REV3L: variants seen among roughly 807,000 people sequenced by gnomAD.
REV3L encodes REV3 like, DNA directed polymerase zeta catalytic subunit.
Under a neutral mutation model 299.4 loss-of-function variants are expected in REV3L, and 69 were observed. The observed-to-expected ratio is 0.23, with a 90% CI of 0.19 to 0.28. REV3L has a LOEUF of 0.28. Ranked by LOEUF, REV3L falls within the 10% of genes least tolerant of loss-of-function variation. The pLI is 1.00. For missense variants in REV3L, 3,128 were observed against 3,693.8 expected (o/e 0.85, Z 3.97); for synonymous variants, 1,238 against 1,271.4 (o/e 0.97, Z 0.56).
chr6:111,444,555 T>C (rs980361925), intron 1 of REV3L, among the ~76,000 whole-genome samples: 3 of 151,972 alleles, frequency 2.0e-5, no homozygotes, highest in African/African-American at 4.8e-5. Flanking sequence ...AGAAAAATGG[T>C]GAAAGAATAT....
intron 1 of REV3L, among the ~76,000 whole-genome samples, chr6:111,463,065 A>G (rs971868416): frequency 1.5e-4 from 23 of 152,180 alleles, no homozygotes; most frequent in Admixed American, 7.9e-4. Context: ...ATAGCAACCA[A>G]TATCTCCAGT....
rs1479814187 is a variant in REV3L at position 111,374,896 on chromosome 6, A to C, written c.3459T>G (p.Pro1153=). ...AATTAACAGTCTTCTTATATACATT[A>C]GGACCCTTAAAAAGCATTGCCTCTT... ...AEKEAMLFKG[P]NVYKKTVNSR... is the part of the protein sequence containing the mutation. The change falls in exon 13 of 32, where the codon CCT becomes CCG. Residue 1153 remains proline, a synonymous_variant. Coordinates refer to ENST00000368802, the MANE Select transcript of REV3L (RefSeq NM_001372078.1). 6.2e-7 allele frequency: 1 copy of C among 1,613,808 alleles called. No individual in the cohort carries two copies. The highest frequency in any genetic ancestry group is 8.5e-7 in the Non-Finnish European group (1 of 1,179,872).
intron 4 of REV3L, among the ~76,000 whole-genome samples, chr6:111,398,669 T>G (rs1040975560): frequency 1.3e-5 from 2 of 152,272 alleles, no homozygotes; most frequent in Admixed American, 6.5e-5. Context: ...AAGTTATGCA[T>G]ACATGTAATA....
At chr6:111,477,846 T>C (rs1386668782) in intron 1 of REV3L, among the ~76,000 whole-genome samples, 1 of 152,222 alleles carries the variant, frequency 6.6e-6, no homozygotes, top group Non-Finnish European at 1.5e-5. Flanking sequence ...ACAAAGTAGA[T>C]TGGGATAAAC....
At chr6:111,394,546 TCA>T (rs1782274111) in intron 4 of REV3L, among the ~76,000 whole-genome samples, 2 of 152,140 alleles carry the variant, frequency 1.3e-5, no homozygotes, top group African/African-American at 2.4e-5. Context: ...ATATTTTCTC[TCA>T]TTCTGTAGGC....
rs1473802764 is a variant in REV3L, at chr6:111,367,732, G to A, written c.6056C>T (p.Ser2019Phe). ...WLQAKEEYER[S>F]KKLPKTKPTG... ...TGGCTTGGTTTTAGGCAGTTTCTTG[G>A]AACGTTCGTATTCTTCTTTGGCTTG... Residue 2019 changes from serine to phenylalanine, a missense_variant, in exon 14 of 32, where the codon TCC (serine) becomes TTC (phenylalanine). Transcript: ENST00000368802. 2.5e-6 allele frequency: 4 copies of A among 1,614,068 alleles called. No individual in the cohort carries two copies. The Admixed American group carries it at 5.0e-5, about 20-fold the overall frequency.
chr6:111,384,641 G>C (rs1048516558), intron 9 of REV3L, among the ~76,000 whole-genome samples: 4 of 152,148 alleles, frequency 2.6e-5, no homozygotes, highest in South Asian at 4.1e-4. Context: ...GTACACTGTT[G>C]GTAGAAATGT....
chr6:111,306,229 C>G (rs1216882606), intron 31 of REV3L, among the ~76,000 whole-genome samples: 1 of 152,072 alleles, frequency 6.6e-6, no homozygotes, highest in Admixed American at 6.6e-5. Flanking sequence ...TCAGCTGATT[C>G]CTCAGAAGAT....
intron 1 of REV3L, among the ~76,000 whole-genome samples, chr6:111,449,049 G>T (rs957974574): frequency 6.6e-6 from 1 of 152,162 alleles, no homozygotes; most frequent in South Asian, 2.1e-4. Context: ...ACACTTTGGA[G>T]AGGATTTAAT....
At chr6:111,394,640 T>G (rs1021593024) in intron 4 of REV3L, among the ~76,000 whole-genome samples, 3 of 152,142 alleles carry the variant, frequency 2.0e-5, no homozygotes, top group African/African-American at 7.2e-5. Flanking sequence ...TTTGGTTGCC[T>G]GTGCTTTTGA....
chr6:111,424,106 C>T (rs566664825), intron 1 of REV3L, among the ~76,000 whole-genome samples: 40 of 152,092 alleles, frequency 2.6e-4, no homozygotes, highest in African/African-American at 8.7e-4. Context: ...AATCCTGAGC[C>T]GATATTTAAG....
intron 25 of REV3L, among the ~76,000 whole-genome samples, chr6:111,325,101 T>C (rs1774629928): frequency 6.6e-6 from 1 of 152,198 alleles, no homozygotes; most frequent in Admixed American, 6.5e-5. Context: ...GACCTCGTGA[T>C]CCACCCGCCT....
In REV3L at chr6:111,376,346, G is replaced by A. The variant is rs779160824; in HGVS notation, c.2009C>T (p.Thr670Ile). 1.9e-6 allele frequency: 3 copies of A among 1,612,580 alleles called. No individual in the cohort carries two copies. The highest frequency in any genetic ancestry group is 1.7e-6 in the Non-Finnish European group (2 of 1,179,574). ...FDYEEDIPSV[T>I]RQVPSRKYTN... ...ATATTTTCTACTTGGTACTTGTCTT[G>A]TAACAGATGGAATATCTTCTTCATA... Residue 670 changes from threonine to isoleucine, a missense_variant, in exon 13 of 32, where the codon ACA becomes ATA. Coordinates refer to ENST00000368802, the MANE Select transcript of REV3L (RefSeq NM_001372078.1).
chr6:111,479,240 A>C (rs895929240), intron 1 of REV3L, among the ~76,000 whole-genome samples: 3 of 152,206 alleles, frequency 2.0e-5, no homozygotes, highest in Admixed American at 6.5e-5. Flanking sequence ...CCCTCCATTA[A>C]AACAAGTTAC....
intron 21 of REV3L, among the ~76,000 whole-genome samples, chr6:111,338,598 G>T (rs1776179513): frequency 6.6e-6 from 1 of 151,168 alleles, no homozygotes; most frequent in African/African-American, 2.4e-5. Flanking sequence ...TACTTTTGTT[G>T]ATGTTATTTA....
rs190365038 is a variant in REV3L at position 111,461,802 on chromosome 6, C to T, written c.139+20948G>A. Among the ~76,000 whole-genome samples the T allele has an allele frequency of 2.2e-4, 33 of 151,722 alleles. No homozygotes were observed. The South Asian group carries it at 2.9e-3, about 13-fold the overall frequency. On this transcript the variant is annotated intron_variant, in intron 1 of 31. Transcript: ENST00000368802. ...GAGGTATAAATAAATAAGCAAACCG[C>T]GGAGAGAAATGGAATTTTTAAAAAG...
intron 14 of REV3L, among the ~76,000 whole-genome samples, chr6:111,366,780 G>C (rs1292086825): frequency 6.6e-6 from 1 of 152,072 alleles, no homozygotes; most frequent in Non-Finnish European, 1.5e-5. Context: ...GTAGAAGCTG[G>C]CTGGAGACGT....
At chr6:111,434,999 G>C (rs529613372) in intron 1 of REV3L, among the ~76,000 whole-genome samples, 3 of 152,294 alleles carry the variant, frequency 2.0e-5, no homozygotes, top group African/African-American at 7.2e-5. Context: ...GAGCCCAGGA[G>C]TTCAAGGTAA....
chr6:111,450,347 T>C (rs568410188), intron 1 of REV3L, among the ~76,000 whole-genome samples: 2 of 151,866 alleles, frequency 1.3e-5, no homozygotes, highest in South Asian at 4.2e-4. Flanking sequence ...GGCACGGTGA[T>C]GCGCACCTGT....
Sources: allele counts gnomAD v4.1 joint callset (sites outside exome capture counted in the v4.1 genomes callset), GRCh38; gene constraint gnomAD v4.1.1; transcripts MANE v1.5; gene names NCBI Gene and HGNC (gene_info 2026-07-23, HGNC 2026-07-21).